DLG2: variants seen among roughly 807,000 people sequenced by gnomAD.
DLG2 encodes discs large MAGUK scaffold protein 2.
In DLG2, 45 loss-of-function variants were observed where a neutral mutation model predicts 132.5. The ratio of observed to expected loss-of-function variants is 0.34; its 90% CI spans 0.27 to 0.44. The LOEUF is 0.44. Among genes scored for constraint, DLG2 ranks in the 20% least tolerant of loss-of-function variants. The pLI is 1.00. For synonymous variants in DLG2, 424 were observed against 419.6 expected (o/e 1.01, Z -0.13); for missense variants, 1,045 against 1,196.9 (o/e 0.87, Z 1.87).
At chr11:84,585,439 G>A (rs1240323901) in intron 6 of DLG2, among the ~76,000 whole-genome samples, 3 of 152,030 alleles carry the variant, frequency 2.0e-5, no homozygotes, top group African/African-American at 7.2e-5. Context: ...TGTCTGTTAG[G>A]CCATGTACCC....
At chr11:84,598,687 A>G (rs960000330) in intron 6 of DLG2, among the ~76,000 whole-genome samples, 2 of 152,014 alleles carry the variant, frequency 1.3e-5, no homozygotes, top group African/African-American at 4.8e-5. Context: ...GCACTCTAGG[A>G]GGCCAGGGCA....
chr11:84,776,083 C>T (rs905067507), intron 6 of DLG2, among the ~76,000 whole-genome samples: 3 of 151,996 alleles, frequency 2.0e-5, no homozygotes, highest in African/African-American at 2.4e-5. Context: ...GATTATTTAA[C>T]CTATTAAGTA....
intron 2 of DLG2, among the ~76,000 whole-genome samples, chr11:85,626,347 T>C (rs1444670542): frequency 2.0e-5 from 3 of 152,216 alleles, no homozygotes; most frequent in African/African-American, 7.2e-5. Flanking sequence ...ACTGAATCTA[T>C]TCTTATTACC....
chr11:83,741,708 T>A (rs1387649643), intron 18 of DLG2, among the ~76,000 whole-genome samples: 5 of 151,886 alleles, frequency 3.3e-5, no homozygotes, highest in African/African-American at 1.2e-4. Context: ...ACAATCAATA[T>A]TATAAAAATG....
chr11:85,173,918 C>T (rs1208425713), intron 4 of DLG2, among the ~76,000 whole-genome samples: 4 of 152,100 alleles, frequency 2.6e-5, no homozygotes, highest in African/African-American at 9.7e-5. Context: ...ACAAAAACAG[C>T]TAAGTATCCT....
chr11:84,590,892 G>A (rs893813665), intron 6 of DLG2, among the ~76,000 whole-genome samples: 1 of 152,136 alleles, frequency 6.6e-6, no homozygotes, highest in African/African-American at 2.4e-5. Flanking sequence ...TGAGATCTGG[G>A]CCTGTTCCTA....
At chr11:84,451,925 T>A (rs1357149587) in intron 7 of DLG2, among the ~76,000 whole-genome samples, 3 of 151,740 alleles carry the variant, frequency 2.0e-5, no homozygotes. Context: ...GGAAAGAGTA[T>A]GTGAAGGCCT....
chr11:83,643,771 A>T (rs1353970202), intron 18 of DLG2: 1 of 152,140 alleles, frequency 6.6e-6, no homozygotes, highest in Non-Finnish European at 1.5e-5. Context: ...CACAGAGGCT[A>T]GTCAATTTAT....
At chr11:84,661,660 G>A (rs544411633) in intron 6 of DLG2, among the ~76,000 whole-genome samples, 19 of 152,222 alleles carry the variant, frequency 1.2e-4, no homozygotes, top group African/African-American at 4.3e-4. Context: ...GTCTCTTTGA[G>A]TTCCTCACAA....
intron 11 of DLG2, among the ~76,000 whole-genome samples, chr11:84,037,857 T>C (rs529050912): frequency 2.9e-4 from 44 of 152,152 alleles, no homozygotes; most frequent in African/African-American, 7.2e-4. Flanking sequence ...TCATGGTACA[T>C]AGTATTTTTA....
At chr11:85,113,573 G>A (rs1360017177) in intron 5 of DLG2, among the ~76,000 whole-genome samples, 2 of 151,978 alleles carry the variant, frequency 1.3e-5, no homozygotes, top group African/African-American at 4.8e-5. Context: ...CATGTCATGT[G>A]AACATAAATT....
At chr11:84,001,375 T>C (rs1054199089) in intron 11 of DLG2, among the ~76,000 whole-genome samples, 4 of 146,748 alleles carry the variant, frequency 2.7e-5, no homozygotes, top group African/African-American at 1.0e-4. Context: ...ATAATGATAA[T>C]AGGGAATCAA....
intron 6 of DLG2, among the ~76,000 whole-genome samples, chr11:84,932,254 T>A (rs1029980751): frequency 2.6e-5 from 4 of 152,140 alleles, no homozygotes; most frequent in South Asian, 4.1e-4. Flanking sequence ...AATTTTAGGT[T>A]TTACATTGAA....
intron 7 of DLG2, among the ~76,000 whole-genome samples, chr11:84,329,637 T>C (rs1329166148): frequency 1.3e-5 from 2 of 152,206 alleles, no homozygotes; most frequent in African/African-American, 2.4e-5. Context: ...TAGGCAGTCC[T>C]TTATAGCAAT....
At chr11:85,264,806 A>T (rs1366984751) in intron 4 of DLG2, among the ~76,000 whole-genome samples, 2 of 152,158 alleles carry the variant, frequency 1.3e-5, no homozygotes, top group African/African-American at 4.8e-5. Context: ...GGTCTCATGG[A>T]TGTAGCTTCC....
intron 3 of DLG2, among the ~76,000 whole-genome samples, chr11:85,561,489 A>G (rs2077244492): frequency 6.6e-6 from 1 of 151,590 alleles, no homozygotes; most frequent in Admixed American, 6.6e-5. Context: ...AATTTTTCAA[A>G]TTAAAGCTTA....
At chr11:84,797,002 C>A (rs1323410444) in intron 6 of DLG2, among the ~76,000 whole-genome samples, 1 of 151,842 alleles carries the variant, frequency 6.6e-6, no homozygotes, top group Non-Finnish European at 1.5e-5. Flanking sequence ...TGCATCACCA[C>A]ACCTGGCTAA....
chr11:84,973,815 T>G (rs1178268110), intron 6 of DLG2, among the ~76,000 whole-genome samples: 1 of 152,170 alleles, frequency 6.6e-6, no homozygotes, highest in East Asian at 1.9e-4. Flanking sequence ...ATTCTTAGGG[T>G]TGTATTCCAT....
chr11:83,834,439 T>A (rs994349610), intron 16 of DLG2, among the ~76,000 whole-genome samples: 3 of 151,776 alleles, frequency 2.0e-5, no homozygotes, highest in Admixed American at 6.6e-5. Context: ...AAGGGCAACA[T>A]GAGAGAGGAA....
Sources: allele counts gnomAD v4.1 joint callset (sites outside exome capture counted in the v4.1 genomes callset), GRCh38; gene constraint gnomAD v4.1.1; transcripts MANE v1.5; gene names NCBI Gene and HGNC (gene_info 2026-07-23, HGNC 2026-07-21).